Variants in KCNN2 observed in about 807,000 individuals in gnomAD.
KCNN2 encodes small conductance calcium-activated potassium channel protein 2.
A neutral mutation model predicts 55.5 loss-of-function variants in KCNN2; 24 were observed. The observed-to-expected ratio is 0.43, with a 90% CI of 0.31 to 0.61. The LOEUF (loss-of-function observed/expected upper bound fraction) is 0.61. Among genes scored for constraint, KCNN2 ranks in the 20% least tolerant of loss-of-function variants. The probability of loss-of-function intolerance (pLI) is 0.08; values close to 1 mark genes in which losing one functional copy is unlikely to be tolerated. For missense variants in KCNN2, 754 were observed against 853.6 expected (o/e 0.88, Z 1.45); for synonymous variants, 431 against 336.1 (o/e 1.28, Z -3.09).
chr5:114,063,258 A>C (rs2112513220), intron 1 of KCNN2, among the ~76,000 whole-genome samples: 1 of 152,370 alleles, frequency 6.6e-6, no homozygotes, highest in Non-Finnish European at 1.5e-5. Flanking sequence ...ATGTGTCTGC[A>C]GCTGAGGCTG....
rs537647636 is a variant in KCNN2, at chr5:114,424,742, A to G, written c.1637+19886A>G. On this transcript the variant is annotated intron_variant, in intron 3 of 7. Coordinates refer to ENST00000673685, the MANE Select transcript of KCNN2 (RefSeq NM_021614.4). ...TATTCAGTACTGAGAGAGTAGGACC[A>G]AGTGACCCAGACAGAGGCCAGAGAG... is the stretch of plus-strand genomic sequence containing the variant. Among the ~76,000 whole-genome samples, 9 of 152,344 alleles carry G rather than the reference A, an allele frequency of 5.9e-5. No homozygotes were observed. In the South Asian group the frequency reaches 1.9e-3, roughly 32 times the overall value.
At chr5:114,264,162 C>G (rs1755164270) in intron 2 of KCNN2, among the ~76,000 whole-genome samples, 2 of 152,280 alleles carry the variant, frequency 1.3e-5, no homozygotes, top group Middle Eastern at 3.4e-3. Flanking sequence ...GTTTCCAACT[C>G]CCAAGAGCTT....
chr5:114,445,405 G>A (rs1045946777), intron 3 of KCNN2, among the ~76,000 whole-genome samples: 1 of 152,122 alleles, frequency 6.6e-6, no homozygotes, highest in Non-Finnish European at 1.5e-5. Flanking sequence ...GCATCCATGA[G>A]ACACTTTATA....
At chr5:114,089,263 G>A (rs1411468182) in intron 1 of KCNN2, among the ~76,000 whole-genome samples, 1 of 152,158 alleles carries the variant, frequency 6.6e-6, no homozygotes, top group East Asian at 1.9e-4. Context: ...ATACTTTTGA[G>A]ACTTAAGCTT....
intron 1 of KCNN2, among the ~76,000 whole-genome samples, chr5:114,063,274 T>G (rs1040435198): frequency 2.6e-5 from 4 of 152,258 alleles, no homozygotes; most frequent in Non-Finnish European, 5.9e-5. Context: ...GGCTGCTCTT[T>G]GACAGGGCAT....
At chr5:114,163,088 G>A (rs1221553808) in intron 1 of KCNN2, among the ~76,000 whole-genome samples, 3 of 152,126 alleles carry the variant, frequency 2.0e-5, no homozygotes, top group South Asian at 2.1e-4. Flanking sequence ...CGTCTTCTGC[G>A]TCGCTCAGGC....
chr5:114,167,880 T>C (rs1178499981), intron 1 of KCNN2, among the ~76,000 whole-genome samples: 1 of 152,078 alleles, frequency 6.6e-6, no homozygotes, highest in African/African-American at 2.4e-5. Context: ...TACAGATCAA[T>C]GTGTAAGTTT....
chr5:114,127,573 C>T (rs918026773), intron 1 of KCNN2, among the ~76,000 whole-genome samples: 4 of 152,150 alleles, frequency 2.6e-5, no homozygotes, highest in African/African-American at 9.7e-5. Context: ...AGGCCTCTGG[C>T]CATGTGATGG....
intron 2 of KCNN2, among the ~76,000 whole-genome samples, chr5:114,294,696 A>C (rs1056188272): frequency 6.6e-6 from 1 of 152,140 alleles, no homozygotes; most frequent in Non-Finnish European, 1.5e-5. Flanking sequence ...AGTTCTGTAG[A>C]TGTCTATTAG....
intron 1 of KCNN2, among the ~76,000 whole-genome samples, chr5:114,143,347 G>A (rs553021072): frequency 9.8e-4 from 149 of 152,206 alleles, no homozygotes; most frequent in African/African-American, 3.5e-3. Context: ...ACCTATGATT[G>A]GGAAGATATT....
At chr5:114,202,585 A>ATATTTTTT (rs1430105677) in intron 1 of KCNN2, among the ~76,000 whole-genome samples, 2 of 92,136 alleles carry the variant, frequency 2.2e-5, no homozygotes, top group African/African-American at 8.6e-5. Flanking sequence ...ATATATATAT[A>ATATTTTTT]TTTTTTTTTT....
intron 1 of KCNN2, among the ~76,000 whole-genome samples, chr5:114,075,576 C>T (rs559870226): frequency 6.6e-6 from 1 of 152,148 alleles, no homozygotes; most frequent in African/African-American, 2.4e-5. Context: ...ATGTATTTCT[C>T]TATATAGTAC....
intron 3 of KCNN2, among the ~76,000 whole-genome samples, chr5:114,425,946 G>A (rs1042398667): frequency 5.9e-5 from 9 of 151,896 alleles, no homozygotes; most frequent in East Asian, 3.9e-4. Flanking sequence ...TTGTGAGGCC[G>A]AGGTGGGTGA....
At chr5:114,097,768 C>T (rs1336837187) in intron 1 of KCNN2, among the ~76,000 whole-genome samples, 1 of 152,144 alleles carries the variant, frequency 6.6e-6, no homozygotes, top group African/African-American at 2.4e-5. Flanking sequence ...CTAGCTCCCC[C>T]TAGATTTATC....
chr5:114,336,106 T>C (rs1319524623), intron 2 of KCNN2, among the ~76,000 whole-genome samples: 1 of 152,204 alleles, frequency 6.6e-6, no homozygotes, highest in Non-Finnish European at 1.5e-5. Flanking sequence ...ATAACTGCCT[T>C]TAAGTACACG....
At chr5:114,196,667 T>G (rs927782203) in intron 1 of KCNN2, among the ~76,000 whole-genome samples, 1 of 152,096 alleles carries the variant, frequency 6.6e-6, no homozygotes, top group Admixed American at 6.6e-5. Flanking sequence ...TTCCTTATAA[T>G]CCTTCCTGTT....
chr5:114,166,910 T>C (rs1752924484), intron 1 of KCNN2, among the ~76,000 whole-genome samples: 1 of 152,182 alleles, frequency 6.6e-6, no homozygotes, highest in African/African-American at 2.4e-5. Flanking sequence ...TATTTGAGGA[T>C]ACAAATAGAA....
intron 1 of KCNN2, among the ~76,000 whole-genome samples, chr5:114,173,262 G>T (rs1277484386): frequency 2.0e-5 from 3 of 151,922 alleles, no homozygotes; most frequent in Non-Finnish European, 4.4e-5. Context: ...TTGTTTCAGG[G>T]TTCTCTATTC....
intron 5 of KCNN2, among the ~76,000 whole-genome samples, chr5:114,483,713 C>G (rs1005044984): frequency 2.7e-5 from 4 of 148,234 alleles, no homozygotes; most frequent in African/African-American, 1.0e-4. Flanking sequence ...TATTTTTCAA[C>G]TGTGTGTGTG....
Sources: allele counts gnomAD v4.1 joint callset (sites outside exome capture counted in the v4.1 genomes callset), GRCh38; gene constraint gnomAD v4.1.1; transcripts MANE v1.5; gene names NCBI Gene and HGNC (gene_info 2026-07-23, HGNC 2026-07-21).